The following PTPRD variants were observed in gnomAD, a reference collection of about 807,000 sequenced individuals.
The protein encoded by PTPRD is protein tyrosine phosphatase receptor type D.
In PTPRD, 34 loss-of-function variants were observed where a neutral mutation model predicts 214.5. The observed-to-expected ratio is 0.16, with a 90% CI of 0.12 to 0.21. PTPRD has a LOEUF of 0.21. Ranked by LOEUF, PTPRD falls within the 10% of genes least tolerant of loss-of-function variation. The pLI is 1.00. For synonymous variants in PTPRD, 1,128 were observed against 845.7 expected (o/e 1.33, Z -5.79); for missense variants, 2,545 against 2,398.7 (o/e 1.06, Z -1.27).
At chr9:9,889,973 G>A (rs1221029872) in intron 5 of PTPRD, among the ~76,000 whole-genome samples, 1 of 151,990 alleles carries the variant, frequency 6.6e-6, no homozygotes, top group Non-Finnish European at 1.5e-5. Context: ...CTAGCAGAGG[G>A]CAGTTCAGCA....
intron 2 of PTPRD, among the ~76,000 whole-genome samples, chr9:10,364,070 G>A (rs1051332811): frequency 3.6e-5 from 5 of 138,620 alleles, no homozygotes; most frequent in African/African-American, 1.4e-4. Flanking sequence ...CGTGATCTCG[G>A]CTCACTACAA....
chr9:8,339,122 T>G (rs970191159), intron 42 of PTPRD, 75 bp from the exon 43 acceptor site: 7 of 1,356,312 alleles, frequency 5.2e-6, no homozygotes, highest in Non-Finnish European at 6.9e-6. Flanking sequence ...TCTATCTATC[T>G]AATCTATCTA....
At chr9:10,505,166 C>T (rs1399995043) in intron 2 of PTPRD, among the ~76,000 whole-genome samples, 3 of 152,148 alleles carry the variant, frequency 2.0e-5, no homozygotes, top group Non-Finnish European at 4.4e-5. Context: ...TACATGTCCT[C>T]CACGCTGTGA....
chr9:8,375,947 A>G lies in PTPRD; in HGVS notation c.4650T>C (p.Val1550=). 3 of 1,612,344 alleles carry G rather than the reference A, an allele frequency of 1.9e-6. No individual in the cohort carries two copies. The highest frequency in any genetic ancestry group is 2.5e-6 in the Non-Finnish European group (3 of 1,178,914). ...CAAACGCTTCTTACCTGCAGTGCACAACCATCGGACCAGCATCGGGAGGGT... is the reference window on the plus strand; with the variant it reads ...CAAACGCTTCTTACCTGCAGTGCACGACCATCGGACCAGCATCGGGAGGGT... ...TCNPPDAGPM[V]VHCSAGVGRT... is the part of the protein sequence containing the mutation. The change falls in exon 39 of 46, where the codon GTT becomes GTC. Residue 1550 remains valine (V), a synonymous_variant. Coordinates refer to ENST00000381196, the MANE Select transcript of PTPRD (RefSeq NM_002839.4).
At chr9:9,416,515 G>C (rs918711357) in intron 8 of PTPRD, among the ~76,000 whole-genome samples, 7 of 152,152 alleles carry the variant, frequency 4.6e-5, no homozygotes, top group African/African-American at 1.7e-4. Context: ...ATTGCTGTCA[G>C]AACACGTCCA....
intron 12 of PTPRD, among the ~76,000 whole-genome samples, chr9:8,727,614 A>C (rs951628007): frequency 6.6e-6 from 1 of 152,100 alleles, no homozygotes; most frequent in Non-Finnish European, 1.5e-5. Context: ...GGTAAGCAGA[A>C]ATTGCTTTTT....
At chr9:9,895,443 C>A (rs1250125639) in intron 5 of PTPRD, among the ~76,000 whole-genome samples, 2 of 151,876 alleles carry the variant, frequency 1.3e-5, no homozygotes, top group Non-Finnish European at 2.9e-5. Context: ...TTTTTCTTTT[C>A]TTTTTAAAAT....
At chr9:10,092,765 A>G (rs1329340555) in intron 3 of PTPRD, among the ~76,000 whole-genome samples, 5 of 151,570 alleles carry the variant, frequency 3.3e-5, no homozygotes, top group Non-Finnish European at 5.9e-5. Flanking sequence ...ATACAGACCA[A>G]CAGAACAGAC....
At chr9:9,452,119 A>T (rs1205270511) in intron 8 of PTPRD, among the ~76,000 whole-genome samples, 1 of 151,508 alleles carries the variant, frequency 6.6e-6, no homozygotes, top group Non-Finnish European at 1.5e-5. Context: ...AGTTTATAAT[A>T]AAAAAGCTGA....
chr9:10,513,132 T>C (rs2048855099), intron 2 of PTPRD, among the ~76,000 whole-genome samples: 1 of 152,010 alleles, frequency 6.6e-6, no homozygotes, highest in Admixed American at 6.6e-5. Context: ...TATTTTGTTT[T>C]TGTTTTTCTT....
At chr9:9,239,618 G>C (rs1243789906) in intron 9 of PTPRD, among the ~76,000 whole-genome samples, 2 of 152,142 alleles carry the variant, frequency 1.3e-5, no homozygotes, top group Non-Finnish European at 2.9e-5. Context: ...CACACATCTT[G>C]CTGTGAGCTT....
At chr9:9,101,815 C>G (rs894559072) in intron 10 of PTPRD, among the ~76,000 whole-genome samples, 30 of 152,102 alleles carry the variant, frequency 2.0e-4, no homozygotes, top group African/African-American at 6.8e-4. Context: ...GAAAATTATT[C>G]CTTAATCATA....
intron 9 of PTPRD, among the ~76,000 whole-genome samples, chr9:9,318,311 C>G (rs1595703678): frequency 6.6e-6 from 1 of 150,726 alleles, no homozygotes; most frequent in African/African-American, 2.4e-5. Context: ...AATATGAAAC[C>G]ACTTTCCAAT....
chr9:8,917,440 A>G (rs1219174697), intron 11 of PTPRD, among the ~76,000 whole-genome samples: 2 of 151,884 alleles, frequency 1.3e-5, no homozygotes, highest in African/African-American at 2.4e-5. Context: ...CCCGGCCTAC[A>G]TAACAGATTG....
At chr9:10,331,443 AT>A (rs1422347740) in intron 3 of PTPRD, among the ~76,000 whole-genome samples, 1 of 151,804 alleles carries the variant, frequency 6.6e-6, no homozygotes, top group Non-Finnish European at 1.5e-5. Flanking sequence ...GAGGCAAACC[AT>A]TTCCCCATTC....
At chr9:8,838,880 T>G (rs1195360362) in intron 11 of PTPRD, among the ~76,000 whole-genome samples, 2 of 152,004 alleles carry the variant, frequency 1.3e-5, no homozygotes, top group African/African-American at 4.8e-5. Flanking sequence ...GAAAATAACC[T>G]TCTAATTCTA....
intron 10 of PTPRD, among the ~76,000 whole-genome samples, chr9:9,173,910 C>T (rs1344540167): frequency 1.3e-5 from 2 of 152,092 alleles, no homozygotes; most frequent in Non-Finnish European, 2.9e-5. Context: ...CCCACTTTGG[C>T]TCCTACCGGC....
At chr9:9,015,535 C>A (rs563194024) in intron 11 of PTPRD, among the ~76,000 whole-genome samples, 5 of 152,234 alleles carry the variant, frequency 3.3e-5, no homozygotes, top group Admixed American at 3.3e-4. Flanking sequence ...AAATGGGCAA[C>A]CAGCTGCCTT....
At chr9:9,098,295 T>C (rs985673533) in intron 10 of PTPRD, among the ~76,000 whole-genome samples, 1 of 152,098 alleles carries the variant, frequency 6.6e-6, no homozygotes. Context: ...TTGTTGTTGT[T>C]TCCCGGGCTG....
Sources: allele counts gnomAD v4.1 joint callset (sites outside exome capture counted in the v4.1 genomes callset), GRCh38; gene constraint gnomAD v4.1.1; transcripts MANE v1.5; gene names NCBI Gene and HGNC (gene_info 2026-07-23, HGNC 2026-07-21).